IPO11: variants seen among roughly 807,000 people sequenced by gnomAD.
The protein encoded by IPO11 is importin-11.
In IPO11, 66 loss-of-function variants were observed where a neutral mutation model predicts 143.2. The ratio of observed to expected loss-of-function variants is 0.46; its 90% CI spans 0.38 to 0.57. The LOEUF (loss-of-function observed/expected upper bound fraction) is 0.57. IPO11 is among the 20% of genes least tolerant of loss of function. IPO11 has a pLI of 0.00. For synonymous variants in IPO11, 385 were observed against 377.8 expected, an observed-to-expected ratio of 1.02 and a Z score of -0.22; for missense variants, 1,026 against 1,141.0, an observed-to-expected ratio of 0.90 and a Z score of 1.45.
chr5:62,580,861 C>A, intron 27 of IPO11: 1 of 1,551,322 alleles, frequency 6.4e-7, no homozygotes, highest in Non-Finnish European at 8.7e-7. Flanking sequence ...CTTTGGTAAT[C>A]CATTAGAGAC....
chr5:62,456,521 A>G (rs1029886493), intron 5 of IPO11, among the ~76,000 whole-genome samples: 10 of 152,174 alleles, frequency 6.6e-5, no homozygotes, highest in African/African-American at 2.4e-4. Flanking sequence ...CAGTGGCACA[A>G]ACATAGGTGT....
chr5:62,537,029 A>G (rs1057008834), intron 23 of IPO11, among the ~76,000 whole-genome samples, 180 bp from the exon 24 acceptor site: 1 of 152,072 alleles, frequency 6.6e-6, no homozygotes, highest in Non-Finnish European at 1.5e-5. Context: ...TCAATAATCT[A>G]TATTTTTATT....
At chr5:62,439,810 T>A (rs186466191) in intron 2 of IPO11, among the ~76,000 whole-genome samples, 538 of 152,312 alleles carry the variant, frequency 3.5e-3, no homozygotes, top group Non-Finnish European at 4.9e-3. Flanking sequence ...TCCCCTATAC[T>A]CGCTATCTAG....
chr5:62,555,385 G>A (rs1356134924), intron 26 of IPO11, among the ~76,000 whole-genome samples: 1 of 151,800 alleles, frequency 6.6e-6, no homozygotes, highest in Non-Finnish European at 1.5e-5. Context: ...CACAATCATA[G>A]CTCACTGCAA....
chr5:62,578,710 G>C, intron 27 of IPO11: 1 of 468,780 alleles, frequency 2.1e-6, no homozygotes, highest in Non-Finnish European at 4.4e-6. Context: ...TTAGCTTCCT[G>C]TATCCATGGC....
rs1291493257 is a variant in IPO11 at position 62,598,534 on chromosome 5, TC to T, written c.2679-3229del. ...TCTTTCTTTCTTTCTTTCTTTTCTTTCTTTTCTTTCTTTTCTTTCTTTTTTT... is the reference window on the plus strand; with the variant it reads ...TCTTTCTTTCTTTCTTTCTTTTCTTTTTTTCTTTCTTTTCTTTCTTTTTTT... On this transcript the variant is annotated intron_variant, in intron 28 of 29. Coordinates refer to ENST00000325324, the MANE Select transcript of IPO11 (RefSeq NM_016338.5). 1.2e-4 allele frequency among the ~76,000 whole-genome samples: 2 copies of T among 16,486 alleles called. 1 individual carries two copies. Among genetic ancestry groups the T allele is most frequent in the Non-Finnish European group, 1.9e-4 (2 of 10,384 alleles). 10.8% of individuals were successfully genotyped at this position (16,486 alleles called of 152,430 possible).
chr5:62,480,906 ATTT>A (rs34947365), intron 9 of IPO11, among the ~76,000 whole-genome samples: 70 of 84,970 alleles, frequency 8.2e-4, no homozygotes, highest in African/African-American at 3.4e-3. Context: ...TTCCTCTTTC[ATTT>A]TTTTTTTTTT....
intron 29 of IPO11, among the ~76,000 whole-genome samples, chr5:62,617,447 G>T (rs1746182073): frequency 6.6e-6 from 1 of 152,170 alleles, no homozygotes; most frequent in South Asian, 2.1e-4. Context: ...GGAAGTAATA[G>T]AATTAAAGGC....
intron 16 of IPO11, among the ~76,000 whole-genome samples, chr5:62,497,223 G>A (rs1020874788): frequency 1.3e-5 from 2 of 151,948 alleles, no homozygotes; most frequent in African/African-American, 2.4e-5. Flanking sequence ...TGGCTGCTCC[G>A]TAGAAAGAGC....
intron 19 of IPO11, among the ~76,000 whole-genome samples, chr5:62,506,758 T>C (rs1741569572): frequency 6.6e-6 from 1 of 152,184 alleles, no homozygotes. Context: ...ACATTTGGCT[T>C]AACATAAAAA....
chr5:62,511,700 T>A (rs1305854137), intron 19 of IPO11, among the ~76,000 whole-genome samples: 1 of 152,320 alleles, frequency 6.6e-6, no homozygotes, highest in African/African-American at 2.4e-5. Context: ...TTCAAGTAGA[T>A]AGTAGTGAAG....
chr5:62,545,533 G>T (rs1043988014), intron 24 of IPO11, among the ~76,000 whole-genome samples: 1 of 152,134 alleles, frequency 6.6e-6, no homozygotes, highest in Non-Finnish European at 1.5e-5. Flanking sequence ...CAGGACATAG[G>T]CATGGGCAGG....
intron 21 of IPO11, among the ~76,000 whole-genome samples, chr5:62,528,103 T>C (rs1742424984): frequency 1.3e-5 from 2 of 152,208 alleles, no homozygotes; most frequent in Admixed American, 1.3e-4. Flanking sequence ...GAGAACATTC[T>C]GGCCAGGGCA....
chr5:62,510,979 C>T (rs917224023), intron 19 of IPO11, among the ~76,000 whole-genome samples: 5 of 152,112 alleles, frequency 3.3e-5, no homozygotes. Context: ...AGCGATCTGC[C>T]CTCCTTGGCC....
At chr5:62,491,103 T>C (rs1746594134) in intron 15 of IPO11, among the ~76,000 whole-genome samples, 1 of 152,256 alleles carries the variant, frequency 6.6e-6, no homozygotes, top group Admixed American at 6.5e-5. Context: ...ACACTTCTAC[T>C]GATTCACTTC....
intron 3 of IPO11, among the ~76,000 whole-genome samples, chr5:62,445,466 C>G (rs1446627977): frequency 6.6e-6 from 1 of 151,852 alleles, no homozygotes; most frequent in Non-Finnish European, 1.5e-5. Context: ...TGTATACAAT[C>G]CCTGACTTAT....
rs1174728957 is a variant in IPO11 at position 62,490,171 on chromosome 5, C to G, written c.1414C>G (p.Gln472Glu). ...YELFDSVDFD[Q>E]WFKNQLLPEL... ...GCTCTTTGACAGTGTTGATTTTGATCAGTGGTTTAAAAACCAGCTTCTTCC... is the reference window on the plus strand; with the variant it reads ...GCTCTTTGACAGTGTTGATTTTGATGAGTGGTTTAAAAACCAGCTTCTTCC... Residue 472 changes from glutamine to glutamate, a missense_variant, in exon 15 of 30, where the codon CAG becomes GAG. Gln to Glu is a conservative substitution (Grantham distance 29, BLOSUM62 2). Around this residue, in one of 5 missense-constraint regions of IPO11, gnomAD observed 237 missense variants for 288.0 expected, o/e 0.82. Transcript: ENST00000325324. The G allele has an allele frequency of 1.2e-6, 2 of 1,605,386 alleles. No homozygotes were observed. Among genetic ancestry groups the G allele is most frequent in the South Asian group, 1.1e-5 (1 of 89,386 alleles).
chr5:62,508,755 G>A (rs1256173006), intron 19 of IPO11, among the ~76,000 whole-genome samples: 5 of 151,240 alleles, frequency 3.3e-5, no homozygotes, highest in South Asian at 2.1e-4. Context: ...CCCCAGCCCC[G>A]CACCACTCGC....
At chr5:62,552,355 C>T (rs1055902452) in intron 26 of IPO11, among the ~76,000 whole-genome samples, 4 of 151,710 alleles carry the variant, frequency 2.6e-5, no homozygotes, top group African/African-American at 9.7e-5. Flanking sequence ...ATATATGTAG[C>T]TTTTCTAGAA....
Sources: gnomAD v4.1 joint callset for allele counts (sites outside exome capture counted in the v4.1 genomes callset) on GRCh38, gnomAD v4.1.1 for gene constraint, gnomAD v4.1.1 regional missense constraint, MANE v1.5 for transcripts, NCBI Gene and HGNC (gene_info 2026-07-23, HGNC 2026-07-21) for gene names.